SYT1: variants seen among roughly 807,000 people sequenced by gnomAD.
SYT1 encodes the protein synaptotagmin-1.
Under a neutral mutation model 44.8 loss-of-function variants are expected in SYT1, and 8 were observed. The observed-to-expected ratio is 0.18, with a 90% CI of 0.10 to 0.32. SYT1 has a LOEUF of 0.32. Ranked by LOEUF, SYT1 falls within the 10% of genes least tolerant of loss-of-function variation. The pLI is 1.00. For missense variants in SYT1, 286 were observed against 509.3 expected (o/e 0.56, Z 4.22); for synonymous variants, 154 against 188.8 (o/e 0.82, Z 1.51).
chr12:79,382,700 C>T (rs184755316), intron 9 of SYT1, among the ~76,000 whole-genome samples: 5 of 152,316 alleles, frequency 3.3e-5, no homozygotes, highest in Admixed American at 2.6e-4. Flanking sequence ...ACCTCTTAGT[C>T]CTGCTACACC....
At chr12:78,941,394 TACACACACACACACACAC>T (rs71441941) in intron 1 of SYT1, among the ~76,000 whole-genome samples, 59 of 143,812 alleles carry the variant, frequency 4.1e-4, no homozygotes, top group Non-Finnish European at 4.8e-4. Flanking sequence ...TAATAGAATC[TACACACACACACACACAC>T]ACACACACAC....
At chr12:79,168,187 A>G (rs1374683766) in intron 3 of SYT1, among the ~76,000 whole-genome samples, 2 of 152,088 alleles carry the variant, frequency 1.3e-5, no homozygotes, top group African/African-American at 4.8e-5. Context: ...GTAAAGAGAC[A>G]GGGAGCTTAA....
intron 3 of SYT1, among the ~76,000 whole-genome samples, chr12:79,214,949 G>A (rs202144713): frequency 2.6e-4 from 6 of 23,470 alleles, no homozygotes; most frequent in African/African-American, 7.6e-4. Flanking sequence ...ATATGTGTGT[G>A]TGTGTGTGTG....
At chr12:79,156,668 C>T (rs573526989) in intron 3 of SYT1, among the ~76,000 whole-genome samples, 81 of 152,140 alleles carry the variant, frequency 5.3e-4, no homozygotes, top group African/African-American at 1.6e-3. Flanking sequence ...AGGGTTTCAC[C>T]GTGTTAGCCA....
At chr12:79,164,208 A>G (rs1871113918) in intron 3 of SYT1, among the ~76,000 whole-genome samples, 1 of 152,106 alleles carries the variant, frequency 6.6e-6, no homozygotes, top group Non-Finnish European at 1.5e-5. Context: ...TTGGTGCTTT[A>G]CCATCGGGGA....
chr12:79,129,960 T>G (rs1868699577), intron 3 of SYT1, among the ~76,000 whole-genome samples: 1 of 152,142 alleles, frequency 6.6e-6, no homozygotes, highest in African/African-American at 2.4e-5. Flanking sequence ...AATGGCCAGA[T>G]GGAGAGAATT....
intron 1 of SYT1, among the ~76,000 whole-genome samples, chr12:78,904,415 TG>T (rs1875840731): frequency 6.6e-6 from 1 of 152,130 alleles, no homozygotes; most frequent in Admixed American, 6.6e-5. Flanking sequence ...GCACCTACTC[TG>T]GAAAAAAATA....
At chr12:79,181,673 G>T (rs1232826687) in intron 3 of SYT1, among the ~76,000 whole-genome samples, 2 of 151,992 alleles carry the variant, frequency 1.3e-5, no homozygotes, top group Non-Finnish European at 2.9e-5. Flanking sequence ...AACCACTGTG[G>T]ATTCTCCTCA....
intron 9 of SYT1, among the ~76,000 whole-genome samples, chr12:79,367,758 G>T (rs779992814): frequency 6.6e-6 from 1 of 151,728 alleles, no homozygotes; most frequent in Non-Finnish European, 1.5e-5. Flanking sequence ...TCCACTTGCC[G>T]GTAGGATAAA....
intron 3 of SYT1, among the ~76,000 whole-genome samples, chr12:79,168,057 C>A (rs980782365): frequency 1.3e-5 from 2 of 152,052 alleles, no homozygotes; most frequent in African/African-American, 4.8e-5. Flanking sequence ...TCCTGCTGTG[C>A]GGTCCAGTTC....
At chr12:79,409,464 A>C (rs1654053789) in intron 9 of SYT1, among the ~76,000 whole-genome samples, 1 of 152,140 alleles carries the variant, frequency 6.6e-6, no homozygotes, top group Non-Finnish European at 1.5e-5. Flanking sequence ...TATCGTTAAT[A>C]AGGCAAAGAT....
chr12:78,865,921 A>C (rs1177572351), intron 1 of SYT1, among the ~76,000 whole-genome samples: 6 of 142,462 alleles, frequency 4.2e-5, no homozygotes, highest in East Asian at 2.0e-4. Context: ...TGAGTAACAA[A>C]AAAAAAAAAA....
At chr12:78,891,470 T>C (rs987309526) in intron 1 of SYT1, among the ~76,000 whole-genome samples, 1 of 151,882 alleles carries the variant, frequency 6.6e-6, no homozygotes, top group Admixed American at 6.6e-5. Flanking sequence ...TACAAGAGAG[T>C]TAAAAATGAA....
intron 3 of SYT1, among the ~76,000 whole-genome samples, chr12:79,180,946 C>A (rs998460869): frequency 1.3e-5 from 2 of 151,992 alleles, no homozygotes; most frequent in Non-Finnish European, 1.5e-5. Context: ...CTCATGATAG[C>A]GAGTGAGTTC....
chr12:79,179,463 A>G (rs984430395), intron 3 of SYT1, among the ~76,000 whole-genome samples: 2 of 109,848 alleles, frequency 1.8e-5, no homozygotes, highest in Non-Finnish European at 3.6e-5. Context: ...TATAATCTAT[A>G]TAGATATAGA....
intron 3 of SYT1, among the ~76,000 whole-genome samples, chr12:79,175,053 C>T (rs1246310251): frequency 7.2e-5 from 11 of 152,002 alleles, no homozygotes. Flanking sequence ...ATTTGATTTG[C>T]TATGTACTTC....
At chr12:79,379,732 TTACTAAGAGGA>T (rs1884141895) in intron 9 of SYT1, among the ~76,000 whole-genome samples, 1 of 152,174 alleles carries the variant, frequency 6.6e-6, no homozygotes, top group Admixed American at 6.5e-5. Context: ...ATAACTATGT[TTACTAAGAGGA>T]TACTAAAATT....
intron 3 of SYT1, among the ~76,000 whole-genome samples, chr12:79,082,621 T>G (rs1301013864): frequency 6.6e-6 from 1 of 152,212 alleles, no homozygotes; most frequent in Admixed American, 6.5e-5. Context: ...CAGAGAATTA[T>G]GGGAAGAGGA....
At chr12:79,416,478 A>G (rs1868746189) in intron 9 of SYT1, among the ~76,000 whole-genome samples, 1 of 152,202 alleles carries the variant, frequency 6.6e-6, no homozygotes, top group Non-Finnish European at 1.5e-5. Context: ...GTTTAGGTTT[A>G]TATTCATATT....
Sources: allele counts gnomAD v4.1 joint callset (sites outside exome capture counted in the v4.1 genomes callset), GRCh38; gene constraint gnomAD v4.1.1; transcripts MANE v1.5; gene names NCBI Gene and HGNC (gene_info 2026-07-23, HGNC 2026-07-21).